Variants in MROH2A observed in about 807,000 individuals in gnomAD.
MROH2A encodes maestro heat-like repeat-containing protein family member 2A.
A neutral mutation model predicts 200.4 loss-of-function variants in MROH2A; 174 were observed. That is an observed-to-expected ratio of 0.87 (90% CI 0.77 to 0.98). The LOEUF (loss-of-function observed/expected upper bound fraction) is 0.98. Ranked by LOEUF, MROH2A falls within the 50% of genes least tolerant of loss-of-function variation. The pLI, the probability that MROH2A is intolerant of heterozygous loss-of-function variation, is 0.00. For missense variants in MROH2A, 2,045 were observed against 2,139.6 expected, an observed-to-expected ratio of 0.96 and a Z score of 0.87; for synonymous variants, 829 against 840.4, an observed-to-expected ratio of 0.99 and a Z score of 0.23.
chr2:233,785,821 G>A (rs1254459906), intron 3 of MROH2A, among the ~76,000 whole-genome samples: 4 of 152,130 alleles, frequency 2.6e-5, no homozygotes, highest in Non-Finnish European at 5.9e-5. Context: ...GTGTTGGTTG[G>A]AATACTGTGT....
chr2:233,816,718 G>C, intron 26 of MROH2A, 63 bp from the exon 27 acceptor site: 1 of 1,165,190 alleles, frequency 8.6e-7, no homozygotes, highest in South Asian at 1.3e-5. Context: ...GCAAAAGCTG[G>C]CCAGGAAAGG....
chr2:233,811,706 C>A (rs1489398517), intron 23 of MROH2A, among the ~76,000 whole-genome samples, 174 bp from the exon 24 acceptor site: 1 of 152,236 alleles, frequency 6.6e-6, no homozygotes, highest in Non-Finnish European at 1.5e-5. Flanking sequence ...GGGCCCTGCT[C>A]CCACTCTGCT....
At chr2:233,832,329 A>G in intron 40 of MROH2A, 50 bp downstream of exon 40, 2 of 1,484,334 alleles carry the variant, frequency 1.3e-6, no homozygotes, top group Non-Finnish European at 1.8e-6. Context: ...AAGGCCCTCT[A>G]GTCCACCCCG....
At chr2:233,784,824 A>G (rs1208265737) in intron 3 of MROH2A, among the ~76,000 whole-genome samples, 7 of 152,206 alleles carry the variant, frequency 4.6e-5, no homozygotes, top group Non-Finnish European at 1.0e-4. Flanking sequence ...GTATTCCTTT[A>G]TAGCAATGCA....
At chr2:233,785,168 T>C (rs939172642) in intron 3 of MROH2A, among the ~76,000 whole-genome samples, 1 of 151,530 alleles carries the variant, frequency 6.6e-6, no homozygotes, top group Non-Finnish European at 1.5e-5. Flanking sequence ...ATGTAGGCTT[T>C]GTTTTTATTC....
chr2:233,809,222 C>T lies in MROH2A; in HGVS notation c.2392C>T (p.Leu798Phe), dbSNP rs774622242. The change falls in exon 22 of 42, where the codon CTC becomes TTC. Residue 798 changes from leucine to phenylalanine, a missense_variant. Leu to Phe is a conservative substitution (Grantham distance 22, BLOSUM62 0). Around this residue, in one of 3 missense-constraint regions of MROH2A, gnomAD observed 1,201 missense variants for 1,311.3 expected, o/e 0.92. Coordinates refer to ENST00000389758, the MANE Select transcript of MROH2A (RefSeq NM_001394639.1). ...CTGCCACCCCCAGTTGCTCCTCAAC[C>T]TCGTGGACAGCCCCATCACCGCTAA... is the stretch of plus-strand genomic sequence containing the variant. ...SYCHPQLLLN[L>F]VDSPITAKII... The T allele has an allele frequency of 3.2e-6, 5 of 1,550,432 alleles. No individual in the cohort carries two copies. The African/African-American group carries it at 5.5e-5, about 17-fold the overall frequency.
Position 233,822,498 on chromosome 2 carries a change from T to C in MROH2A, c.3808T>C (p.Leu1270=), listed in dbSNP as rs1704012762. ...SHRPEAAPPV[L]KMWKLVHTTP... ...CCGACCAGAGGCCGCCCCGCCGGTC[T>C]TGAAGATGTGGAAGCTGGTCCACAC... The change falls in exon 33 of 42, where the codon TTG becomes CTG. Residue 1270 remains leucine (L), a synonymous_variant. Transcript: ENST00000389758. The C allele has an allele frequency of 6.4e-6, 10 of 1,550,706 alleles. No homozygotes were observed. The highest frequency in any genetic ancestry group is 8.7e-6 in the Non-Finnish European group (10 of 1,147,030).
Position 233,822,140 on chromosome 2 carries a change from T to A in MROH2A, c.3529T>A (p.Trp1177Arg), listed in dbSNP as rs992620192. ...TTTGGTTAGCCACCTGGCAGAGGTG[T>A]GGCTGGCAGTGTCGGAGAACGTGCC... ...LPMESHLAEV[W>R]LAVSENVPFA... is the part of the protein sequence containing the mutation. Residue 1177 changes from tryptophan (W) to arginine (R), a missense_variant, in exon 32 of 42, where the codon TGG becomes AGG. By Grantham distance (101) the Trp-to-Arg change is moderately radical. This residue lies in a region of MROH2A where 1,201 missense variants were observed against 1,311.3 expected (regional missense o/e 0.92). Coordinates refer to ENST00000389758, the MANE Select transcript of MROH2A (RefSeq NM_001394639.1). 21 of 1,549,582 alleles carry A rather than the reference T, an allele frequency of 1.4e-5. No homozygotes were observed. The highest frequency in any genetic ancestry group is 1.7e-5 in the Non-Finnish European group (19 of 1,146,596).
chr2:233,788,145 A>AC (rs1491258331), intron 3 of MROH2A, among the ~76,000 whole-genome samples: 3 of 107,694 alleles, frequency 2.8e-5, no homozygotes, highest in African/African-American at 3.7e-5. Context: ...ATATATATAT[A>AC]ATATATATTT....
rs2126141441 is a variant in MROH2A, at chr2:233,808,671, TC to T, written c.2296-452del. ...GGGTTTGGTGGCCTCCAACATCTCCTCCCACTCAGAGATTGTTCTGAGGGTG... is the reference window on the plus strand; with the variant it reads ...GGGTTTGGTGGCCTCCAACATCTCCTCCACTCAGAGATTGTTCTGAGGGTG... On this transcript the variant is annotated intron_variant, in intron 21 of 41. Transcript: ENST00000389758. 1.3e-5 allele frequency among the ~76,000 whole-genome samples: 2 copies of T among 152,248 alleles called. 1 individual carries two copies. The highest frequency in any genetic ancestry group is 4.1e-4 in the South Asian group (2 of 4,820).
chr2:233,777,490 C>T (rs987903753), upstream of MROH2A, among the ~76,000 whole-genome samples: 23 of 152,194 alleles, frequency 1.5e-4, no homozygotes, highest in African/African-American at 5.1e-4. Context: ...AATGTATCTC[C>T]AAGTGCAGAA....
intron 22 of MROH2A, 140 bp downstream of exon 22, chr2:233,809,418 A>T (rs755357445): frequency 2.1e-5 from 18 of 850,472 alleles, no homozygotes; most frequent in Middle Eastern, 3.0e-4. Flanking sequence ...TGGGAAGCCC[A>T]TTGCCCAAAT....
In MROH2A at chr2:233,787,942, TATATATTATATATAC is replaced by T. The variant is rs1410654773; in HGVS notation, c.277-1533_277-1519del. Among the ~76,000 whole-genome samples, 15 of 83,758 alleles carry T rather than the reference TATATATTATATATAC, an allele frequency of 1.8e-4. 2 individuals are homozygous for T. Among genetic ancestry groups the T allele is most frequent in the Non-Finnish European group, 1.8e-4 (9 of 49,750 alleles). 54.9% of individuals were successfully genotyped at this position (83,758 alleles called of 152,430 possible). A position where few individuals can be genotyped will look rare whatever the true frequency, so the allele number is the denominator to read the frequency against. On this transcript the variant is annotated intron_variant, in intron 3 of 41. Coordinates refer to ENST00000389758, the MANE Select transcript of MROH2A (RefSeq NM_001394639.1). ...TATATACATATATATTATATATACA[TATATATTATATATAC>T]ATATATTATATATACATATATATTA...
chr2:233,800,111 G>A, intron 13 of MROH2A, 94 bp from the exon 14 acceptor site: 9 of 1,089,850 alleles, frequency 8.3e-6, no homozygotes, highest in Non-Finnish European at 1.2e-5. Flanking sequence ...CAGTATCTGG[G>A]CATGGAGCCC....
rs574586486 is a variant in MROH2A at position 233,789,572 on chromosome 2, C to G, written c.352C>G (p.Gln118Glu). The G allele has an allele frequency of 3.3e-6, 5 of 1,497,398 alleles. No individual in the cohort carries two copies. The African/African-American group carries it at 4.2e-5, about 13-fold the overall frequency. The allele number at this position is 1,497,398 out of a possible 1,614,324, so 92.8% of individuals were successfully genotyped here. ...IIQQEGELEE[Q>E]CVQRLVAIAS... is the part of the protein sequence containing the mutation. ...CCAGCAGGAGGGGGAGCTGGAGGAG[C>G]AGTGCGTGCAGAGGCTGGTGGCCAT... is the stretch of plus-strand genomic sequence containing the variant. Residue 118 changes from glutamine to glutamate, a missense_variant, in exon 4 of 42, where the codon CAG becomes GAG. Gln to Glu is a conservative substitution (Grantham distance 29). Coordinates refer to ENST00000389758, the MANE Select transcript of MROH2A (RefSeq NM_001394639.1).
At chr2:233,833,044 C>A (rs1278112144) in intron 41 of MROH2A, 94 bp from the exon 42 acceptor site, 3 of 1,424,598 alleles carry the variant, frequency 2.1e-6, no homozygotes, top group East Asian at 5.0e-5. Context: ...TGCCCACCTT[C>A]TGCGGCCCTT....
intron 3 of MROH2A, among the ~76,000 whole-genome samples, chr2:233,781,310 CA>C (rs1484310158): frequency 3.3e-5 from 5 of 152,166 alleles, no homozygotes; most frequent in African/African-American, 4.8e-5. Context: ...GAGAAACCTC[CA>C]TAGAGTTTTC....
chr2:233,829,058 ATCT>A lies in MROH2A; in HGVS notation c.4438_4440del (p.Phe1480del). ...CGACGCCATGTCTGAGCAGTGCAGG[ATCT>A]TCTTCGACAACGTGAGTCCGATGAG... On this transcript the variant is annotated inframe_deletion, in exon 37 of 42. Coordinates refer to ENST00000389758, the MANE Select transcript of MROH2A (RefSeq NM_001394639.1). 6.6e-7 allele frequency: 1 copy of A among 1,524,558 alleles called. No homozygotes were observed. Among genetic ancestry groups the A allele is most frequent in the Non-Finnish European group, 8.8e-7 (1 of 1,132,818 alleles). The allele number at this position is 1,524,558 out of a possible 1,614,324, so 94.4% of individuals were successfully genotyped here. A position where few individuals can be genotyped will look rare whatever the true frequency, so the allele number is the denominator to read the frequency against.
At chr2:233,783,478 C>T (rs1314640937) in intron 3 of MROH2A, among the ~76,000 whole-genome samples, 1 of 152,000 alleles carries the variant, frequency 6.6e-6, no homozygotes, top group African/African-American at 2.4e-5. Context: ...TTATCTGTTT[C>T]CTATAGGTTT....
Sources: allele counts gnomAD v4.1 joint callset (sites outside exome capture counted in the v4.1 genomes callset), GRCh38; gene constraint gnomAD v4.1.1; regional missense constraint gnomAD v4.1.1; transcripts MANE v1.5; gene names NCBI Gene and HGNC (gene_info 2026-07-23, HGNC 2026-07-21).